The following APP variants were observed in gnomAD, a reference collection of about 807,000 sequenced individuals.
The protein encoded by APP is amyloid beta precursor protein.
Under a neutral mutation model 101.4 loss-of-function variants are expected in APP, and 31 were observed. The ratio of observed to expected loss-of-function variants is 0.31; its 90% CI spans 0.23 to 0.41. The LOEUF (loss-of-function observed/expected upper bound fraction) is 0.41, where lower values mean the gene tolerates loss of function less well. APP is among the 10% of genes least tolerant of loss of function. APP has a pLI of 1.00. For missense variants in APP, 839 were observed against 1,003.7 expected, an observed-to-expected ratio of 0.84 and a Z score of 2.22; for synonymous variants, 366 against 364.4, an observed-to-expected ratio of 1.00 and a Z score of -0.05.
chr21:25,899,993 C>T (rs1049242624), intron 15 of APP, among the ~76,000 whole-genome samples: 13 of 152,098 alleles, frequency 8.5e-5, no homozygotes, highest in African/African-American at 9.7e-5. Context: ...CTTCTTGCTA[C>T]GAGACCCACA....
intron 11 of APP, among the ~76,000 whole-genome samples, chr21:25,973,460 C>T (rs1416288324): frequency 6.6e-6 from 1 of 152,126 alleles, no homozygotes; most frequent in African/African-American, 2.4e-5. Flanking sequence ...TGGAGCAAAA[C>T]ATTACAAAGG....
chr21:25,882,557 G>A (rs1010792823), intron 17 of APP, among the ~76,000 whole-genome samples: 4 of 151,716 alleles, frequency 2.6e-5, no homozygotes, highest in Admixed American at 6.6e-5. Flanking sequence ...GTCACTGTTA[G>A]AGCTGTGTGT....
intron 2 of APP, among the ~76,000 whole-genome samples, chr21:26,111,036 G>A (rs939244947): frequency 6.4e-5 from 8 of 124,784 alleles, no homozygotes; most frequent in Admixed American, 5.9e-4. Flanking sequence ...AAACAAAAAT[G>A]AAGATCTCCA....
At chr21:25,926,273 C>T (rs866562346) in intron 13 of APP, among the ~76,000 whole-genome samples, 6 of 152,216 alleles carry the variant, frequency 3.9e-5, no homozygotes, top group East Asian at 1.9e-4. Context: ...CTACTGAAGA[C>T]ACTTTTAGCA....
intron 1 of APP, among the ~76,000 whole-genome samples, chr21:26,131,657 G>C (rs1244402962): frequency 6.6e-6 from 1 of 152,184 alleles, no homozygotes; most frequent in East Asian, 1.9e-4. Flanking sequence ...TCCTCTGAAC[G>C]ATAAAGCCAA....
chr21:26,085,579 G>A (rs958189557), intron 3 of APP, among the ~76,000 whole-genome samples: 1 of 152,126 alleles, frequency 6.6e-6, no homozygotes, highest in Non-Finnish European at 1.5e-5. Context: ...CATCCTCATC[G>A]CCATCTTTAA....
chr21:26,167,052 T>A (rs2063633498), intron 1 of APP, among the ~76,000 whole-genome samples: 1 of 152,220 alleles, frequency 6.6e-6, no homozygotes, highest in South Asian at 2.1e-4. Flanking sequence ...TAAACCTGGC[T>A]GGAAATTTAC....
chr21:26,099,066 T>C (rs1474731146), intron 2 of APP, among the ~76,000 whole-genome samples: 1 of 152,140 alleles, frequency 6.6e-6, no homozygotes, highest in Non-Finnish European at 1.5e-5. Context: ...TACTTGTACA[T>C]ATGCTTGTAA....
chr21:25,928,437 C>A (rs1277913552), intron 13 of APP, among the ~76,000 whole-genome samples: 1 of 151,910 alleles, frequency 6.6e-6, no homozygotes, highest in Non-Finnish European at 1.5e-5. Context: ...TTACAACACA[C>A]ACACACAAAC....
intron 5 of APP, among the ~76,000 whole-genome samples, chr21:26,027,064 T>TC (rs1182607761): frequency 2.0e-5 from 3 of 152,234 alleles, no homozygotes; most frequent in Admixed American, 2.0e-4. Context: ...CGGACTTTTT[T>TC]CTTCTTGCTA....
At position 26,136,956 on chromosome 21, in the gene APP, G is replaced by C. The variant is rs566378925; in HGVS notation, c.58-24810C>G. On this transcript the variant is annotated intron_variant, in intron 1 of 17. Transcript: ENST00000346798. ...CACCCAGGCTGGAGTGCAGTGGCGC[G>C]ATCTCTGCTCACTGCACCTATGCCT... 2.2e-4 allele frequency among the ~76,000 whole-genome samples: 34 copies of C among 152,136 alleles called. No individual in the cohort carries two copies. The South Asian group carries it at 7.1e-3, about 32-fold the overall frequency.
At position 26,021,993 on chromosome 21, in the gene APP, C is replaced by G. The variant is rs1568868790; in HGVS notation, c.712G>C (p.Glu238Gln). 6.2e-7 allele frequency: 1 copy of G among 1,614,110 alleles called. No individual in the cohort carries two copies. Among genetic ancestry groups the G allele is most frequent in the Non-Finnish European group, 8.5e-7 (1 of 1,179,992 alleles). The stretch of plus-strand genomic sequence containing the variant: ...TCGTCATCATCGGCTTCTTCTTCTT[C>G]CACCTCAGCCACTTCTTCCTCCTCT... ...VAEEEEVAEV[E>Q]EEEADDDEDD... The change falls in exon 6 of 18, where the codon GAA becomes CAA. Residue 238 changes from glutamate to glutamine, a missense_variant. Transcript: ENST00000346798.
intron 1 of APP, among the ~76,000 whole-genome samples, chr21:26,162,628 C>T (rs774345436): frequency 4.0e-5 from 6 of 151,646 alleles, no homozygotes; most frequent in Non-Finnish European, 7.4e-5. Flanking sequence ...TAAAATATCT[C>T]CAGGGGGTCA....
intron 13 of APP, chr21:25,928,897 T>C (rs112975276): frequency 2.8e-5 from 4 of 145,348 alleles, no homozygotes; most frequent in African/African-American, 1.1e-4. Flanking sequence ...AGTTTTTGTA[T>C]TTTTAGTAGA....
chr21:26,154,384 A>T (rs952067052), intron 1 of APP, among the ~76,000 whole-genome samples: 7 of 152,152 alleles, frequency 4.6e-5, no homozygotes, highest in African/African-American at 1.7e-4. Flanking sequence ...TGGGTCCCAA[A>T]AGGTCCCCCC....
At chr21:26,104,834 A>C (rs1252645583) in intron 2 of APP, among the ~76,000 whole-genome samples, 1 of 152,194 alleles carries the variant, frequency 6.6e-6, no homozygotes, top group Non-Finnish European at 1.5e-5. Flanking sequence ...TGTGAGCAAA[A>C]AGTCAAAACG....
intron 3 of APP, among the ~76,000 whole-genome samples, chr21:26,062,508 C>T (rs1225636336): frequency 1.3e-5 from 2 of 150,952 alleles, no homozygotes; most frequent in Non-Finnish European, 3.0e-5. Context: ...ACTAAAAATA[C>T]AAAATTAGCT....
At chr21:26,041,316 C>A (rs190695962) in intron 5 of APP, among the ~76,000 whole-genome samples, 1 of 152,308 alleles carries the variant, frequency 6.6e-6, no homozygotes, top group East Asian at 1.9e-4. Flanking sequence ...GGGTTTTACA[C>A]TGAAGATACA....
intron 13 of APP, among the ~76,000 whole-genome samples, chr21:25,946,626 G>A (rs997600834): frequency 7.9e-5 from 12 of 151,924 alleles, no homozygotes; most frequent in Admixed American, 4.6e-4. Flanking sequence ...AGATCATGCC[G>A]CTTCACTTCA....
Sources: gnomAD v4.1 joint callset for allele counts (sites outside exome capture counted in the v4.1 genomes callset) on GRCh38, gnomAD v4.1.1 for gene constraint, MANE v1.5 for transcripts, NCBI Gene and HGNC (gene_info 2026-07-23, HGNC 2026-07-21) for gene names.